Variants in SEPTIN14 observed in about 807,000 individuals in gnomAD.
The protein encoded by SEPTIN14 is septin 14.
In SEPTIN14, 40 loss-of-function variants were observed where a neutral mutation model predicts 53.6. That is an observed-to-expected ratio of 0.75 (90% confidence interval 0.58 to 0.97). The LOEUF (loss-of-function observed/expected upper bound fraction) is 0.97, where lower values mean the gene tolerates loss of function less well. SEPTIN14 is among the 50% of genes least tolerant of loss of function. The probability of loss-of-function intolerance (pLI) is 0.00; values close to 1 mark genes in which losing one functional copy is unlikely to be tolerated. For missense variants in SEPTIN14, 471 were observed against 508.2 expected, an observed-to-expected ratio of 0.93 and a Z score of 0.70; for synonymous variants, 138 against 166.8, an observed-to-expected ratio of 0.83 and a Z score of 1.33.
Position 55,822,138 on chromosome 7 carries a change from G to T in SEPTIN14, c.721-2915C>A, listed in dbSNP as rs1584258845. On this transcript the variant is annotated intron_variant, in intron 6 of 9. Transcript: ENST00000388975. ...CCCGAAACATGTGGGAATTCTGGGA[G>T]ATATGATTCAAGTTGAGATTTGGGT... 2.0e-5 allele frequency among the ~76,000 whole-genome samples: 3 copies of T among 152,270 alleles called. No individual in the cohort carries two copies. In the East Asian group the frequency reaches 5.8e-4, roughly 29 times the overall value.
At chr7:55,799,885 A>G (rs910909122) in intron 9 of SEPTIN14, among the ~76,000 whole-genome samples, 5 of 151,860 alleles carry the variant, frequency 3.3e-5, no homozygotes, top group African/African-American at 1.2e-4. Flanking sequence ...TAGACCCAAT[A>G]GACCAAATAG....
At chr7:55,849,226 G>A (rs944700694) in intron 2 of SEPTIN14, among the ~76,000 whole-genome samples, 2 of 151,932 alleles carry the variant, frequency 1.3e-5, no homozygotes, top group African/African-American at 2.4e-5. Flanking sequence ...TCGGGAGGCT[G>A]AGGCAGGCGA....
intron 6 of SEPTIN14, among the ~76,000 whole-genome samples, chr7:55,830,151 C>A (rs1470456888): frequency 1.4e-5 from 2 of 146,338 alleles, no homozygotes; most frequent in African/African-American, 5.0e-5. Flanking sequence ...GCACTCCAGC[C>A]TGGGCGACAG....
intron 6 of SEPTIN14, among the ~76,000 whole-genome samples, chr7:55,830,344 TATA>T (rs1278711697): frequency 0.011 from 392 of 35,428 alleles, 7 homozygotes; most frequent in South Asian, 0.037. Flanking sequence ...TATATATATA[TATA>T]TATTTTTTTT....
At chr7:55,811,232 C>T in intron 7 of SEPTIN14, 1 of 527,496 alleles carries the variant, frequency 1.9e-6, no homozygotes, top group Non-Finnish European at 3.8e-6. Context: ...CCTTGGGGAG[C>T]CGCAGGATCT....
chr7:55,842,495 C>T (rs1044138516), intron 5 of SEPTIN14, among the ~76,000 whole-genome samples: 24 of 151,462 alleles, frequency 1.6e-4, no homozygotes, highest in Admixed American at 1.1e-3. Flanking sequence ...CCCAGTTGCT[C>T]GGATGGCTAA....
At chr7:55,821,512 GA>G (rs1370508146) in intron 6 of SEPTIN14, among the ~76,000 whole-genome samples, 2 of 152,166 alleles carry the variant, frequency 1.3e-5, no homozygotes, top group Non-Finnish European at 2.9e-5. Flanking sequence ...ATATTGAAAA[GA>G]AAGACCAAAG....
Position 55,850,573 on chromosome 7 carries a change from A to G in SEPTIN14, c.55-3936T>C, listed in dbSNP as rs377509280. 2.6e-5 allele frequency among the ~76,000 whole-genome samples: 4 copies of G among 152,318 alleles called. No individual in the cohort carries two copies. In the East Asian group the frequency reaches 5.8e-4, roughly 22 times the overall value. On this transcript the variant is annotated intron_variant, in intron 2 of 9. Transcript: ENST00000388975. ...TGCATAGCTGCAAAAATTCTTTTTT[A>G]CTACTATAATTTTAATTGTACAACT...
At chr7:55,843,355 G>A (rs1489079463) in intron 4 of SEPTIN14, among the ~76,000 whole-genome samples, 2 of 152,134 alleles carry the variant, frequency 1.3e-5, no homozygotes, top group African/African-American at 2.4e-5. Flanking sequence ...GGGTGCATCC[G>A]ACAGGGGACT....
At chr7:55,852,293 C>T (rs1789532081) in intron 2 of SEPTIN14, among the ~76,000 whole-genome samples, 1 of 152,028 alleles carries the variant, frequency 6.6e-6, no homozygotes, top group African/African-American at 2.4e-5. Flanking sequence ...AATTATAATA[C>T]AGAACTACAA....
chr7:55,799,744 A>G (rs572288076), intron 9 of SEPTIN14, among the ~76,000 whole-genome samples: 1 of 152,248 alleles, frequency 6.6e-6, no homozygotes, highest in East Asian at 1.9e-4. Context: ...TATAAAGCAA[A>G]TATTAACAGA....
intron 6 of SEPTIN14, among the ~76,000 whole-genome samples, chr7:55,832,431 A>G (rs2116026887): frequency 6.6e-6 from 1 of 152,304 alleles, no homozygotes; most frequent in Non-Finnish European, 1.5e-5. Flanking sequence ...AGAAATAATT[A>G]TATAAAAAAG....
intron 5 of SEPTIN14, among the ~76,000 whole-genome samples, chr7:55,836,129 C>A (rs1789201482): frequency 6.6e-6 from 1 of 152,006 alleles, no homozygotes; most frequent in Non-Finnish European, 1.5e-5. Context: ...CAAATATGTT[C>A]ATTTTTCTTT....
In SEPTIN14 at chr7:55,845,734, A is replaced by G. The variant is rs916906909; in HGVS notation, c.175+783T>C. The stretch of plus-strand genomic sequence containing the variant: ...ATAAATAAAGGGTCTCAAATACTTC[A>G]AAGACTGGGATGGCCTTGAAAATAT... On this transcript the variant is annotated intron_variant, in intron 3 of 9. Coordinates refer to ENST00000388975, the MANE Select transcript of SEPTIN14 (RefSeq NM_207366.3). Among the ~76,000 whole-genome samples, 3 of 151,976 alleles carry G rather than the reference A, an allele frequency of 2.0e-5. No individual in the cohort carries two copies. The East Asian group carries it at 5.8e-4, about 29-fold the overall frequency.
At chr7:55,825,718 G>A (rs1788971348) in intron 6 of SEPTIN14, among the ~76,000 whole-genome samples, 1 of 152,114 alleles carries the variant, frequency 6.6e-6, no homozygotes, top group Non-Finnish European at 1.5e-5. Flanking sequence ...TGTAATCCCA[G>A]CACTTTGGGA....
intron 2 of SEPTIN14, among the ~76,000 whole-genome samples, chr7:55,850,571 T>G (rs1789500199): frequency 1.3e-5 from 2 of 152,168 alleles, no homozygotes; most frequent in African/African-American, 4.8e-5. Flanking sequence ...AAATTCTTTT[T>G]TACTACTATA....
At chr7:55,860,474 T>C (rs962814490) in intron 2 of SEPTIN14, among the ~76,000 whole-genome samples, 3 of 151,988 alleles carry the variant, frequency 2.0e-5, no homozygotes, top group Non-Finnish European at 4.4e-5. Flanking sequence ...TATAGCAGAG[T>C]AGGGAGACTA....
chr7:55,806,004 C>T (rs1562706053), intron 8 of SEPTIN14, among the ~76,000 whole-genome samples: 2 of 149,072 alleles, frequency 1.3e-5, no homozygotes, highest in Non-Finnish European at 1.5e-5. Context: ...TCCTATTCTT[C>T]TTTTTTTTTT....
At chr7:55,821,991 GGAA>G (rs1788903969) in intron 6 of SEPTIN14, among the ~76,000 whole-genome samples, 1 of 152,150 alleles carries the variant, frequency 6.6e-6, no homozygotes, top group South Asian at 2.1e-4. Context: ...GAGAAAATTA[GGAA>G]GAAGCAAAAG....
Sources: gnomAD v4.1 joint callset for allele counts (sites outside exome capture counted in the v4.1 genomes callset) on GRCh38, gnomAD v4.1.1 for gene constraint, MANE v1.5 for transcripts, NCBI Gene and HGNC (gene_info 2026-07-23, HGNC 2026-07-21) for gene names.